Variants in DLG2 observed in about 807,000 individuals in gnomAD.
The protein encoded by DLG2 is discs large MAGUK scaffold protein 2.
In DLG2, 45 loss-of-function variants were observed where a neutral mutation model predicts 132.5. The observed-to-expected ratio is 0.34, with a 90% CI of 0.27 to 0.44. DLG2 has a LOEUF of 0.44. DLG2 is among the 20% of genes least tolerant of loss of function. The pLI, the probability that DLG2 is intolerant of heterozygous loss-of-function variation, is 1.00. For synonymous variants in DLG2, 424 were observed against 419.6 expected (o/e 1.01, Z -0.13); for missense variants, 1,045 against 1,196.9 (o/e 0.87, Z 1.87).
At chr11:84,227,040 C>T (rs1352842608) in intron 8 of DLG2, among the ~76,000 whole-genome samples, 1 of 151,812 alleles carries the variant, frequency 6.6e-6, no homozygotes. Flanking sequence ...GAGCCGAGAT[C>T]GTGCCACTAC....
At chr11:84,071,542 T>C (rs1028752819) in intron 10 of DLG2, among the ~76,000 whole-genome samples, 1 of 152,168 alleles carries the variant, frequency 6.6e-6, no homozygotes, top group Non-Finnish European at 1.5e-5. Context: ...GTATATCCTT[T>C]TCTTTTACTC....
At chr11:83,763,586 T>G (rs2094008572) in intron 18 of DLG2, among the ~76,000 whole-genome samples, 1 of 152,234 alleles carries the variant, frequency 6.6e-6, no homozygotes, top group Non-Finnish European at 1.5e-5. Flanking sequence ...GCAAGGAAAA[T>G]GTGAATGATC....
chr11:85,572,233 T>G (rs1183247603), intron 3 of DLG2, among the ~76,000 whole-genome samples: 1 of 152,170 alleles, frequency 6.6e-6, no homozygotes, highest in African/African-American at 2.4e-5. Flanking sequence ...ATAATGTTTC[T>G]ATATTTAGGG....
chr11:85,406,601 C>T (rs1041671488), intron 3 of DLG2, among the ~76,000 whole-genome samples: 22 of 151,654 alleles, frequency 1.5e-4, no homozygotes, highest in African/African-American at 1.9e-4. Context: ...AAAAAAATGC[C>T]GAGAGTCAGA....
chr11:84,503,741 T>C (rs1161475167), intron 7 of DLG2, among the ~76,000 whole-genome samples: 5 of 152,204 alleles, frequency 3.3e-5, no homozygotes, highest in Non-Finnish European at 1.5e-5. Flanking sequence ...GCATTTGTCT[T>C]AGAATTTTAA....
chr11:84,143,828 A>T (rs2094957601), intron 9 of DLG2, among the ~76,000 whole-genome samples: 1 of 152,172 alleles, frequency 6.6e-6, no homozygotes, highest in Admixed American at 6.6e-5. Flanking sequence ...TTGAACTCAG[A>T]AGCAGCCTGT....
intron 19 of DLG2, among the ~76,000 whole-genome samples, chr11:83,593,770 C>G (rs532947247): frequency 6.8e-6 from 1 of 148,036 alleles, no homozygotes; most frequent in Non-Finnish European, 1.5e-5. Flanking sequence ...TGTAAAAACA[C>G]GAACATAAAA....
At chr11:84,535,073 G>C (rs2099352197) in intron 6 of DLG2, among the ~76,000 whole-genome samples, 1 of 152,174 alleles carries the variant, frequency 6.6e-6, no homozygotes, top group African/African-American at 2.4e-5. Flanking sequence ...GAGTAGCTAA[G>C]TATGTGTTAA....
chr11:83,769,062 C>A (rs1315805139), intron 18 of DLG2, among the ~76,000 whole-genome samples: 2 of 152,188 alleles, frequency 1.3e-5, no homozygotes, highest in African/African-American at 4.8e-5. Context: ...CTGGGCACTC[C>A]ATAATGATAA....
intron 9 of DLG2, among the ~76,000 whole-genome samples, chr11:84,137,618 A>T (rs1283149413): frequency 6.6e-6 from 1 of 152,158 alleles, no homozygotes; most frequent in Non-Finnish European, 1.5e-5. Flanking sequence ...CTCTGAAAAG[A>T]CCTGCTCTAT....
chr11:83,598,423 A>C (rs1415304556), intron 19 of DLG2, among the ~76,000 whole-genome samples: 2 of 152,240 alleles, frequency 1.3e-5, no homozygotes, highest in African/African-American at 4.8e-5. Flanking sequence ...ATGGCTGCTT[A>C]TTGGAAAAGT....
intron 17 of DLG2, among the ~76,000 whole-genome samples, chr11:83,808,237 T>C (rs1307780763): frequency 1.3e-5 from 2 of 152,184 alleles, no homozygotes; most frequent in Admixed American, 1.3e-4. Flanking sequence ...TCTGCCACTT[T>C]GGGTATTAGA....
intron 19 of DLG2, among the ~76,000 whole-genome samples, chr11:83,600,965 A>G (rs1227742169): frequency 2.0e-5 from 3 of 152,220 alleles, no homozygotes; most frequent in East Asian, 3.8e-4. Context: ...AGCATTGCCT[A>G]TAGGTATTTA....
intron 9 of DLG2, among the ~76,000 whole-genome samples, chr11:84,141,171 C>A (rs2094827665): frequency 6.6e-6 from 1 of 152,098 alleles, no homozygotes; most frequent in Non-Finnish European, 1.5e-5. Context: ...TGGTCCCAAC[C>A]TCCAAAGAAT....
At chr11:84,927,904 T>C (rs2047590793) in intron 6 of DLG2, among the ~76,000 whole-genome samples, 1 of 151,914 alleles carries the variant, frequency 6.6e-6, no homozygotes, top group South Asian at 2.1e-4. Context: ...CCAGACCTAC[T>C]GAATCAAAAA....
intron 7 of DLG2, chr11:84,317,115 A>G: frequency 1.2e-6 from 2 of 1,612,776 alleles, no homozygotes; most frequent in Non-Finnish European, 8.5e-7. Context: ...CCCCGGCTGC[A>G]GCTGTGTTGC....
chr11:84,074,595 C>T (rs967308762), intron 10 of DLG2, among the ~76,000 whole-genome samples: 6 of 147,980 alleles, frequency 4.1e-5, no homozygotes, highest in Non-Finnish European at 7.4e-5. Context: ...GTGGCGTGAT[C>T]TCGGCTCACT....
chr11:84,478,742 A>G (rs910692670), intron 7 of DLG2, among the ~76,000 whole-genome samples: 1 of 152,116 alleles, frequency 6.6e-6, no homozygotes, highest in African/African-American at 2.4e-5. Flanking sequence ...TTATATAACT[A>G]TGTATATTTT....
At position 85,444,366 on chromosome 11, in the gene DLG2, G is replaced by C. The variant is rs566197722; in HGVS notation, c.40+154291C>G. 2.0e-5 allele frequency among the ~76,000 whole-genome samples: 3 copies of C among 152,290 alleles called. No homozygotes were observed. The East Asian group carries it at 5.8e-4, about 29-fold the overall frequency. On this transcript the variant is annotated intron_variant, in intron 3 of 27. Transcript: ENST00000376104. ...TGAGTAAAAAAAAAAGTTAATCCCA[G>C]TGGAATTGCTCTATGGCTAACAGGC...
Sources: allele counts gnomAD v4.1 joint callset (sites outside exome capture counted in the v4.1 genomes callset), GRCh38; gene constraint gnomAD v4.1.1; transcripts MANE v1.5; gene names NCBI Gene and HGNC (gene_info 2026-07-23, HGNC 2026-07-21).